The following PKDREJ variants were observed in gnomAD, a reference collection of about 807,000 sequenced individuals.
The protein encoded by PKDREJ is polycystin family receptor for egg jelly.
For synonymous variants in PKDREJ, 1,031 were observed against 1,095.5 expected (o/e 0.94, Z 1.16); for missense variants, 2,507 against 2,807.2 (o/e 0.89, Z 2.42).
rs1251328739 is a variant in PKDREJ at position 46,260,886 on chromosome 22, T to C, written c.2437A>G (p.Ser813Gly). ...GTCATTTTAAGAATATTAGACAAAC[T>C]CATTAGTATTCCAGTACTCACGATT... ...IEIVSTGILM[S>G]LSNILKMTSP... is the part of the protein sequence containing the mutation. The change falls in exon 1 of 1, where the codon AGT (serine) becomes GGT (glycine). Residue 813 changes from serine (S) to glycine (G), a missense_variant. Transcript: ENST00000253255. The surrounding 1 kb of genome is among the most constrained non-coding windows in gnomAD (Gnocchi z 4.5). 2 of 1,613,596 alleles carry C rather than the reference T, an allele frequency of 1.2e-6. No individual in the cohort carries two copies. The highest frequency in any genetic ancestry group is 1.7e-5 in the Admixed American group (1 of 60,012).
In PKDREJ at chr22:46,261,410, A is replaced by G. The variant is rs555194337; in HGVS notation, c.1913T>C (p.Met638Thr). 1 of 1,614,156 alleles carries G rather than the reference A, an allele frequency of 6.2e-7. No homozygotes were observed. The highest frequency in any genetic ancestry group is 2.2e-5 in the East Asian group (1 of 44,888). ...TVPPSFLPVG[M>T]LASQYGLKIY... ...CTTCAAGCCATATTGACTAGCCAAC[A>G]TACCAACAGGGAGAAAGGAAGGGGG... The change falls in exon 1 of 1, where the codon ATG becomes ACG. Residue 638 changes from methionine to threonine, a missense_variant. By Grantham distance (81) the Met-to-Thr change is moderately conservative. Coordinates refer to ENST00000253255, the MANE Select transcript of PKDREJ (RefSeq NM_006071.2). This position sits in a 1 kb window ranked among gnomAD's most constrained non-coding sequence, Gnocchi z 7.1.
chr22:46,261,010 C>T lies in PKDREJ; in HGVS notation c.2313G>A (p.Trp771Ter). Reference sequence around the variant, plus strand: ...TCATGGTGGCACGTTTCTGAGCATCCCAAGTGAATTCAGAGGGTTTCTGGG... The same window carrying T: ...TCATGGTGGCACGTTTCTGAGCATCTCAAGTGAATTCAGAGGGTTTCTGGG... ...KLTQKPSEFT[W>*]DAQKRATMRV... The change falls in exon 1 of 1, where the codon TGG becomes TGA. Residue 771 changes from tryptophan to a stop codon, truncating the protein, a stop_gained. Coordinates refer to ENST00000253255, the MANE Select transcript of PKDREJ (RefSeq NM_006071.2). LOFTEE classifies it low-confidence loss of function (END_TRUNC). The surrounding 1 kb of genome is among the most constrained non-coding windows in gnomAD (Gnocchi z 7.1). 6.2e-7 allele frequency: 1 copy of T among 1,614,078 alleles called. No individual in the cohort carries two copies. The highest frequency in any genetic ancestry group is 8.5e-7 in the Non-Finnish European group (1 of 1,179,996).
Position 46,261,417 on chromosome 22 carries a change from C to T in PKDREJ, c.1906G>A (p.Val636Ile). Residue 636 changes from valine (V) to isoleucine (I), a missense_variant, in exon 1 of 1, where the codon GTT becomes ATT. Coordinates refer to ENST00000253255, the MANE Select transcript of PKDREJ (RefSeq NM_006071.2). The surrounding 1 kb of genome is among the most constrained non-coding windows in gnomAD (Gnocchi z 7.1). ...QSTVPPSFLP[V>I]GMLASQYGLK... ...CCATATTGACTAGCCAACATACCAA[C>T]AGGGAGAAAGGAAGGGGGTACTGTG... 1 of 1,614,114 alleles carries T rather than the reference C, an allele frequency of 6.2e-7. No homozygotes were observed. The highest frequency in any genetic ancestry group is 8.5e-7 in the Non-Finnish European group (1 of 1,180,034).
rs1219091026 is a variant in PKDREJ, at chr22:46,256,997, A to G, written c.6326T>C (p.Leu2109Pro). 2.5e-6 allele frequency: 4 copies of G among 1,614,016 alleles called. No individual in the cohort carries two copies. The highest frequency in any genetic ancestry group is 3.4e-6 in the Non-Finnish European group (4 of 1,179,996). ...YFFVYMAFGYLVFGQHEWNYS... is the reference protein window; with the variant it reads ...YFFVYMAFGYPVFGQHEWNYS... ...GTTCCATTCATGCTGACCAAACACC[A>G]GGTAACCAAAAGCCATGTATACGAA... The change falls in exon 1 of 1, where the codon CTG becomes CCG. Residue 2109 changes from leucine to proline, a missense_variant. Physicochemically the swap from Leu to Pro is moderately conservative, Grantham distance 98. Transcript: ENST00000253255. The surrounding 1 kb of genome is among the most constrained non-coding windows in gnomAD (Gnocchi z 5.3).
rs775696928 is a variant in PKDREJ, at chr22:46,256,902, A to G, written c.6421T>C (p.Phe2141Leu). The G allele has an allele frequency of 6.2e-7, 1 of 1,613,952 alleles. No homozygotes were observed. The change falls in exon 1 of 1, where the codon TTT becomes CTT. Residue 2141 changes from phenylalanine (F) to leucine (L), a missense_variant. By Grantham distance (22) the Phe-to-Leu change is conservative. Transcript: ENST00000253255. This position sits in a 1 kb window ranked among gnomAD's most constrained non-coding sequence, Gnocchi z 5.3. ...ACCCCCAGAATCCTGTTATTGGAAA[A>G]TTCAGTGTTCTGGAAAGCTGAGACA... ...YCVSAFQNTE[F>L]SNNRILGVLF...
Position 46,261,833 on chromosome 22 carries a change from G to T in PKDREJ, c.1490C>A (p.Ser497Tyr). ...AAATAGCATCTCACCACCTGAAGAAGACAAAATTGACCATTTATAGAAATC... is the reference window on the plus strand; with the variant it reads ...AAATAGCATCTCACCACCTGAAGAATACAAAATTGACCATTTATAGAAATC... ...SRDFYKWSIL[S>Y]SSGGEMLFDW... The change falls in exon 1 of 1, where the codon TCT (serine) becomes TAT (tyrosine). Residue 497 changes from serine to tyrosine, a missense_variant. Physicochemically the swap from Ser to Tyr is moderately radical, Grantham distance 144. Coordinates refer to ENST00000253255, the MANE Select transcript of PKDREJ (RefSeq NM_006071.2). The surrounding 1 kb of genome is among the most constrained non-coding windows in gnomAD (Gnocchi z 7.1). 6.2e-7 allele frequency: 1 copy of T among 1,613,842 alleles called. No homozygotes were observed. The highest frequency in any genetic ancestry group is 8.5e-7 in the Non-Finnish European group (1 of 1,179,930).
At position 46,261,136 on chromosome 22, in the gene PKDREJ, G is replaced by A. The variant is rs982202322; in HGVS notation, c.2187C>T (p.Asp729=). The change falls in exon 1 of 1, where the codon GAC becomes GAT. Residue 729 remains aspartate, a synonymous_variant. Transcript: ENST00000253255. This position sits in a 1 kb window ranked among gnomAD's most constrained non-coding sequence, Gnocchi z 7.1. ...NMKTELPLRD[D]RVNLRKHLID... is the part of the protein sequence containing the mutation. ...TGAGGTGTTTTCGGAGATTGACTCT[G>A]TCATCTCGGAGAGGTAATTCAGTTT... 4 of 1,613,638 alleles carry A rather than the reference G, an allele frequency of 2.5e-6. No individual in the cohort carries two copies. The African/African-American group carries it at 5.3e-5, about 22-fold the overall frequency.
rs1936655319 is a variant in PKDREJ at position 46,258,265 on chromosome 22, G to A, written c.5058C>T (p.Tyr1686=). The change falls in exon 1 of 1, where the codon TAC becomes TAT. Residue 1686 remains tyrosine, a synonymous_variant. Coordinates refer to ENST00000253255, the MANE Select transcript of PKDREJ (RefSeq NM_006071.2). The surrounding 1 kb of genome is among the most constrained non-coding windows in gnomAD (Gnocchi z 6.1). ...TGATTTCATCTTCTGTAAGGGGTTG[G>A]TACATCCTCGTGCCTCGGATTCGGA... ...QIVRIRGTRM[Y]QPLTEDEIRI... 2 of 1,614,092 alleles carry A rather than the reference G, an allele frequency of 1.2e-6. No homozygotes were observed. The highest frequency in any genetic ancestry group is 1.7e-6 in the Non-Finnish European group (2 of 1,180,008).
rs1412588438 is a variant in PKDREJ at position 46,259,679 on chromosome 22, C to T, written c.3644G>A (p.Arg1215Gln). 3.1e-6 allele frequency: 5 copies of T among 1,614,094 alleles called. No homozygotes were observed. The highest frequency in any genetic ancestry group is 1.6e-4 in the Middle Eastern group (1 of 6,062). The change falls in exon 1 of 1, where the codon CGG becomes CAG. Residue 1215 changes from arginine (R) to glutamine (Q), a missense_variant. Coordinates refer to ENST00000253255, the MANE Select transcript of PKDREJ (RefSeq NM_006071.2). This position sits in a 1 kb window ranked among gnomAD's most constrained non-coding sequence, Gnocchi z 6.8. The stretch of plus-strand genomic sequence containing the variant: ...ATCTGGTAGAACTATCACATGCCCC[C>T]GAAGATGCTGGTCCATTTCATCCCT... ...LYRDEMDQHL[R>Q]GHVIVLPDND... is the part of the protein sequence containing the mutation.
Position 46,257,053 on chromosome 22 carries a change from G to A in PKDREJ, c.6270C>T (p.Cys2090=), listed in dbSNP as rs759409506. 57 of 1,613,828 alleles carry A rather than the reference G, an allele frequency of 3.5e-5. No homozygotes were observed. The highest frequency in any genetic ancestry group is 4.8e-5 in the Non-Finnish European group (57 of 1,180,008). Residue 2090 remains cysteine, a synonymous_variant, in exon 1 of 1, where the codon TGC becomes TGT. Coordinates refer to ENST00000253255, the MANE Select transcript of PKDREJ (RefSeq NM_006071.2). This position sits in a 1 kb window ranked among gnomAD's most constrained non-coding sequence, Gnocchi z 4.7. ...ACACGGACACAACAAATGCCATGTG[G>A]CAGATGCCAGGGAGGGCAGCCTGGA... ...RAIQAALPGI[C]HMAFVVSVYF...
Position 46,261,151 on chromosome 22 carries a change from T to C in PKDREJ, c.2172A>G (p.Leu724=). The C allele has an allele frequency of 6.2e-7, 1 of 1,613,996 alleles. No individual in the cohort carries two copies. The highest frequency in any genetic ancestry group is 8.5e-7 in the Non-Finnish European group (1 of 1,179,920). ...GATTGACTCTGTCATCTCGGAGAGGTAATTCAGTTTTCATGTTATTCAAAA... is the reference window on the plus strand; with the variant it reads ...GATTGACTCTGTCATCTCGGAGAGGCAATTCAGTTTTCATGTTATTCAAAA... ...ASVLNNMKTE[L]PLRDDRVNLR... is the part of the protein sequence containing the mutation. Residue 724 remains leucine, a synonymous_variant, in exon 1 of 1, where the codon TTA becomes TTG. Coordinates refer to ENST00000253255, the MANE Select transcript of PKDREJ (RefSeq NM_006071.2). The surrounding 1 kb of genome is among the most constrained non-coding windows in gnomAD (Gnocchi z 7.1).
In PKDREJ at chr22:46,259,627, G is replaced by C; in HGVS notation, c.3696C>G (p.Tyr1232Ter). 1.2e-6 allele frequency: 2 copies of C among 1,614,144 alleles called. No homozygotes were observed. Among genetic ancestry groups the C allele is most frequent in the Non-Finnish European group, 1.7e-6 (2 of 1,180,028 alleles). Residue 1232 changes from tyrosine to a stop codon, truncating the protein, a stop_gained, in exon 1 of 1, where the codon TAC (tyrosine) becomes TAG (stop). Transcript: ENST00000253255. LOFTEE classifies it low-confidence loss of function (END_TRUNC). This position sits in a 1 kb window ranked among gnomAD's most constrained non-coding sequence, Gnocchi z 6.8. ...GACTTCCTGTAAAAATAGTCACCAA[G>C]TAGCATAAATTATCATAAGGATCAT... is the stretch of plus-strand genomic sequence containing the variant. The part of the protein sequence containing the change: ...PDNDPYDNLC[Y>*]LVTIFTGSRW...
At position 46,262,422 on chromosome 22, in the gene PKDREJ, C is replaced by T. The variant is rs1936707686; in HGVS notation, c.901G>A (p.Gly301Arg). 1 of 1,611,822 alleles carries T rather than the reference C, an allele frequency of 6.2e-7. No homozygotes were observed. The change falls in exon 1 of 1, where the codon GGA becomes AGA. Residue 301 changes from glycine (G) to arginine (R), a missense_variant. Transcript: ENST00000253255. This position sits in a 1 kb window ranked among gnomAD's most constrained non-coding sequence, Gnocchi z 8.1. ...IHIPNNSLQW[G>R]VYVFNFTVSI... ...ACCGTGAAATTAAACACATACACTC[C>T]CCACTGTAACGAATTATTGGGGATG...
Position 46,260,268 on chromosome 22 carries a change from T to G in PKDREJ, c.3055A>C (p.Ile1019Leu). Residue 1019 changes from isoleucine (I) to leucine (L), a missense_variant, in exon 1 of 1, where the codon ATC (isoleucine) becomes CTC (leucine). Ile to Leu is a conservative substitution (Grantham distance 5, BLOSUM62 2). Coordinates refer to ENST00000253255, the MANE Select transcript of PKDREJ (RefSeq NM_006071.2). This position sits in a 1 kb window ranked among gnomAD's most constrained non-coding sequence, Gnocchi z 4.5. ...FTVLVYTGSQITPTALVATFL... is the reference protein window; with the variant it reads ...FTVLVYTGSQLTPTALVATFL... Reference sequence around the variant, plus strand: ...GTGGCGACCAGCGCTGTGGGAGTGATCTGACTGCCTGTGTACACCAACACT... The same window carrying G: ...GTGGCGACCAGCGCTGTGGGAGTGAGCTGACTGCCTGTGTACACCAACACT... The G allele has an allele frequency of 6.2e-7, 1 of 1,614,132 alleles. No homozygotes were observed. The highest frequency in any genetic ancestry group is 8.5e-7 in the Non-Finnish European group (1 of 1,180,012).
Position 46,263,198 on chromosome 22 carries a change from A to G in PKDREJ, c.125T>C (p.Leu42Pro). ...AAVSGAPGGLLRGAPGLGVRG... is the reference protein window; with the variant it reads ...AAVSGAPGGLPRGAPGLGVRG... ...CACCCCGAGGCCCGGGGCGCCCCTG[A>G]GGAGGCCACCGGGCGCCCCGGAGAC... The change falls in exon 1 of 1, where the codon CTC becomes CCC. Residue 42 changes from leucine to proline, a missense_variant. Physicochemically the swap from Leu to Pro is moderately conservative, Grantham distance 98. Transcript: ENST00000253255. The surrounding 1 kb of genome is among the most constrained non-coding windows in gnomAD (Gnocchi z 9.4). 1.5e-6 allele frequency: 2 copies of G among 1,340,818 alleles called. No homozygotes were observed. The highest frequency in any genetic ancestry group is 3.4e-5 in the Admixed American group (1 of 29,066). The allele number at this position is 1,340,818 out of a possible 1,614,324, so 83.1% of individuals were successfully genotyped here.
Position 46,257,912 on chromosome 22 carries a change from T to G in PKDREJ, c.5411A>C (p.Lys1804Thr), listed in dbSNP as rs200961868. ...AAACTTTTCGGCAGGTAGACACATT[T>G]TTTCACTAGATTTTGCTCTCACTTG... ...MRQVRAKSSE[K>T]MCLPAEKFVQ... The change falls in exon 1 of 1, where the codon AAA becomes ACA. Residue 1804 changes from lysine to threonine, a missense_variant. Lys to Thr is a moderately conservative substitution (Grantham distance 78, BLOSUM62 -1). Coordinates refer to ENST00000253255, the MANE Select transcript of PKDREJ (RefSeq NM_006071.2). The surrounding 1 kb of genome is among the most constrained non-coding windows in gnomAD (Gnocchi z 4.7). 66 of 1,614,172 alleles carry G rather than the reference T, an allele frequency of 4.1e-5. No homozygotes were observed. The highest frequency in any genetic ancestry group is 5.2e-5 in the Non-Finnish European group (61 of 1,180,024).
chr22:46,260,537 G>T lies in PKDREJ; in HGVS notation c.2786C>A (p.Ser929Tyr), dbSNP rs773896840. Reference protein sequence around the residue: ...NDQENTSVEVSGFRMTGVADN... With the variant: ...NDQENTSVEVYGFRMTGVADN... ...TGCAACTCCTGTCATTCTGAATCCA[G>T]ACACCTCCACCGAAGTGTTTTCCTG... Residue 929 changes from serine (S) to tyrosine (Y), a missense_variant, in exon 1 of 1, where the codon TCT becomes TAT. By Grantham distance (144) the Ser-to-Tyr change is moderately radical (BLOSUM62 -2). Transcript: ENST00000253255. The surrounding 1 kb of genome is among the most constrained non-coding windows in gnomAD (Gnocchi z 4.5). 6.2e-7 allele frequency: 1 copy of T among 1,614,098 alleles called. No individual in the cohort carries two copies. The highest frequency in any genetic ancestry group is 2.2e-5 in the East Asian group (1 of 44,884).
In PKDREJ at chr22:46,261,676, C is replaced by T. The variant is rs767880638; in HGVS notation, c.1647G>A (p.Ser549=). 1.9e-5 allele frequency: 31 copies of T among 1,613,798 alleles called. No homozygotes were observed. Among genetic ancestry groups the T allele is most frequent in the Non-Finnish European group, 2.5e-5 (30 of 1,179,976 alleles). Residue 549 remains serine (S), a synonymous_variant, in exon 1 of 1, where the codon TCG becomes TCA. Coordinates refer to ENST00000253255, the MANE Select transcript of PKDREJ (RefSeq NM_006071.2). This position sits in a 1 kb window ranked among gnomAD's most constrained non-coding sequence, Gnocchi z 7.1. ...LYLACWSGVT[S]VFRHSFIINH... is the part of the protein sequence containing the mutation. ...TAATAATAAAAGAATGCCTGAAGAC[C>T]GAGGTCACTCCACTCCAACATGCTA...
rs1983838028 is a variant in PKDREJ, at chr22:46,260,515, A to G, written c.2808T>C (p.Val936=). The stretch of plus-strand genomic sequence containing the variant: ...TCTCTAGCACACTACCGTTATCTGC[A>G]ACTCCTGTCATTCTGAATCCAGACA... ...VEVSGFRMTG[V]ADNGSVLEIT... The change falls in exon 1 of 1, where the codon GTT becomes GTC. Residue 936 remains valine, a synonymous_variant. Coordinates refer to ENST00000253255, the MANE Select transcript of PKDREJ (RefSeq NM_006071.2). The surrounding 1 kb of genome is among the most constrained non-coding windows in gnomAD (Gnocchi z 4.5). The G allele has an allele frequency of 6.2e-7, 1 of 1,614,174 alleles. No individual in the cohort carries two copies. The highest frequency in any genetic ancestry group is 1.3e-5 in the African/African-American group (1 of 75,058).
Sources: gnomAD v4.1 joint callset for allele counts on GRCh38, gnomAD v4.1.1 for gene constraint, Gnocchi (gnomAD v3.1) non-coding constraint, MANE v1.5 for transcripts, NCBI Gene and HGNC (gene_info 2026-07-23, HGNC 2026-07-21) for gene names.